Variants in NUDCD2 observed in about 807,000 individuals in gnomAD.
The protein encoded by NUDCD2 is nudC domain-containing protein 2.
NUDCD2 carries 16 observed loss-of-function variants against 20.8 expected under a neutral mutation model. The observed-to-expected ratio is 0.77, with a 90% CI of 0.52 to 1.17. NUDCD2 has a LOEUF of 1.17. Ranked by LOEUF, NUDCD2 falls within the 50% of genes most tolerant of loss-of-function variation. NUDCD2 has a pLI of 0.00. For missense variants in NUDCD2, 199 were observed against 193.9 expected (o/e 1.03, Z -0.16); for synonymous variants, 87 against 72.8 (o/e 1.20, Z -1.00).
rs201814363 is a variant in NUDCD2, at chr5:163,457,100, A to G, written c.239-20T>C. On this transcript the variant is annotated intron_variant, in intron 2 of 3. Transcript: ENST00000302764. ...TGTCCTCTAAAAAAAAAACACACAC[A>G]CACACACGCACAAATAAATTAGAGT... 6.4e-7 allele frequency: 1 copy of G among 1,558,266 alleles called. No homozygotes were observed. The highest frequency in any genetic ancestry group is 1.2e-5 in the South Asian group (1 of 83,996).
chr5:163,455,577 C>T (rs1011865237), intron 3 of NUDCD2, among the ~76,000 whole-genome samples: 4 of 152,146 alleles, frequency 2.6e-5, no homozygotes, highest in Non-Finnish European at 2.9e-5. Context: ...TCCTGGCCAA[C>T]ACGGTGAAAC....
Position 163,453,816 on chromosome 5 carries a change from A to C in NUDCD2, c.*151T>G, listed in dbSNP as rs1758237148. On this transcript the variant is annotated 3_prime_UTR_variant, in exon 4 of 4. Coordinates refer to ENST00000302764, the MANE Select transcript of NUDCD2 (RefSeq NM_145266.6). Reference sequence around the variant, plus strand: ...CCACAGTACATTTCCTATGTAAATTATGTTTGAATGCAATTTTTAGAACCA... The same window carrying C: ...CCACAGTACATTTCCTATGTAAATTCTGTTTGAATGCAATTTTTAGAACCA... The C allele has an allele frequency of 4.6e-6, 2 of 432,676 alleles. No individual in the cohort carries two copies. Among genetic ancestry groups the C allele is most frequent in the Non-Finnish European group, 8.5e-6 (2 of 236,056 alleles). The allele number at this position is 432,676 out of a possible 1,614,324, so 26.8% of individuals were successfully genotyped here. A position where few individuals can be genotyped will look rare whatever the true frequency, so the allele number is the denominator to read the frequency against.
chr5:163,448,964 G>A lies in NUDCD2; in HGVS notation c.*5003C>T, dbSNP rs1415653355. ...GGGAACTTGCTCAACATGACAAAGG[G>A]AATTTAAGAAAAGCCTACAGCTTGC... is the stretch of plus-strand genomic sequence containing the variant. On this transcript the variant is annotated 3_prime_UTR_variant, in exon 4 of 4. Transcript: ENST00000302764. 3 of 152,094 alleles carry A rather than the reference G, an allele frequency of 2.0e-5. No homozygotes were observed. The highest frequency in any genetic ancestry group is 4.4e-5 in the Non-Finnish European group (3 of 68,004). The allele number at this position is 152,094 out of a possible 1,614,324, so 9.4% of individuals were successfully genotyped here. A position where few individuals can be genotyped will look rare whatever the true frequency, so the allele number is the denominator to read the frequency against.
rs376036154 is a variant in NUDCD2 at position 163,456,984 on chromosome 5, G to A, written c.335C>T (p.Pro112Leu). ...SLLESEYAADPWVQDQMQRKL... is the reference protein window; with the variant it reads ...SLLESEYAADLWVQDQMQRKL... ...TCTCTGCATTTGGTCTTGCACCCAAGGATCCGCTGCATATTCAGATTCTAG... is the reference window on the plus strand; with the variant it reads ...TCTCTGCATTTGGTCTTGCACCCAAAGATCCGCTGCATATTCAGATTCTAG... The change falls in exon 3 of 4, where the codon CCT becomes CTT. Residue 112 changes from proline (P) to leucine (L), a missense_variant. Coordinates refer to ENST00000302764, the MANE Select transcript of NUDCD2 (RefSeq NM_145266.6). The A allele has an allele frequency of 1.3e-5, 21 of 1,612,526 alleles. No individual in the cohort carries two copies. Among genetic ancestry groups the A allele is most frequent in the Non-Finnish European group, 1.8e-5 (21 of 1,179,382 alleles).
rs1307977951 is a variant in NUDCD2 at position 163,448,263 on chromosome 5, A to C, written c.*5704T>G. 6.6e-6 allele frequency: 1 copy of C among 152,152 alleles called. No homozygotes were observed. Among genetic ancestry groups the C allele is most frequent in the African/African-American group, 2.4e-5 (1 of 41,462 alleles). 9.4% of individuals were successfully genotyped at this position (152,152 alleles called of 1,614,324 possible). On this transcript the variant is annotated 3_prime_UTR_variant, in exon 4 of 4. Transcript: ENST00000302764. The stretch of plus-strand genomic sequence containing the variant: ...AACAAATTAATAGAAAACAATCAAA[A>C]AACTAATTTTTGAAAAGAGCAGTAA...
rs781253733 is a variant in NUDCD2 at position 163,460,065 on chromosome 5, C to T, written c.-15G>A. 1 of 1,532,726 alleles carries T rather than the reference C, an allele frequency of 6.5e-7. No individual in the cohort carries two copies. The highest frequency in any genetic ancestry group is 1.2e-5 in the South Asian group (1 of 80,664). 94.9% of individuals were successfully genotyped at this position (1,532,726 alleles called of 1,614,324 possible). A position where few individuals can be genotyped will look rare whatever the true frequency, so the allele number is the denominator to read the frequency against. The stretch of plus-strand genomic sequence containing the variant: ...GGGGCCGACATAATCCAGTCCCTCC[C>T]GGCCGCGGCCGCACCAGGCGGAGCC... On this transcript the variant is annotated 5_prime_UTR_variant, in exon 1 of 4. Transcript: ENST00000302764.
rs1758206146 is a variant in NUDCD2, at chr5:163,452,653, C to T, written c.*1314G>A. ...CAGTGGAGAAGTCTGGCAGACACTACCTTAATCAGTCATCTAAGAAACACC... is the reference window on the plus strand; with the variant it reads ...CAGTGGAGAAGTCTGGCAGACACTATCTTAATCAGTCATCTAAGAAACACC... On this transcript the variant is annotated 3_prime_UTR_variant, in exon 4 of 4. Transcript: ENST00000302764. The T allele has an allele frequency of 6.6e-6, 1 of 152,124 alleles. No individual in the cohort carries two copies. The highest frequency in any genetic ancestry group is 6.5e-5 in the Admixed American group (1 of 15,278). 9.4% of individuals were successfully genotyped at this position (152,124 alleles called of 1,614,324 possible).
At chr5:163,457,135 AGTT>A (rs1758338501) in intron 2 of NUDCD2, 55 bp from the exon 3 acceptor site, 5 of 1,446,810 alleles carry the variant, frequency 3.5e-6, no homozygotes, top group Admixed American at 2.3e-5. Context: ...TTCTTCATCA[AGTT>A]GTTTTTTTTT....
At chr5:163,457,953 C>G (rs763577974) in intron 1 of NUDCD2, among the ~76,000 whole-genome samples, 2 of 145,042 alleles carry the variant, frequency 1.4e-5, no homozygotes, top group Non-Finnish European at 3.0e-5. Context: ...AAGAAGGGAT[C>G]TCCTGCTAAA....
At chr5:163,455,380 G>A (rs1187444847) in intron 3 of NUDCD2, among the ~76,000 whole-genome samples, 1 of 152,210 alleles carries the variant, frequency 6.6e-6, no homozygotes, top group Non-Finnish European at 1.5e-5. Context: ...GAGGTAATCA[G>A]GGAGATGATG....
In NUDCD2 at chr5:163,452,229, CATTATAT is replaced by C. The variant is rs1184762421; in HGVS notation, c.*1731_*1737del. On this transcript the variant is annotated 3_prime_UTR_variant, in exon 4 of 4. Transcript: ENST00000302764. The stretch of plus-strand genomic sequence containing the variant: ...GCAGAAATATAGATGTAAAGACATG[CATTATAT>C]ATACACACCAACGGCAATTGCACAC... 1 of 152,098 alleles carries C rather than the reference CATTATAT, an allele frequency of 6.6e-6. No homozygotes were observed. The highest frequency in any genetic ancestry group is 1.5e-5 in the Non-Finnish European group (1 of 68,020). 9.4% of individuals were successfully genotyped at this position (152,098 alleles called of 1,614,324 possible). A position where few individuals can be genotyped will look rare whatever the true frequency, so the allele number is the denominator to read the frequency against.
At position 163,456,915 on chromosome 5, in the gene NUDCD2, T is replaced by G; in HGVS notation, c.390+14A>C. The stretch of plus-strand genomic sequence containing the variant: ...TATTTAATTACACATACTCATACAC[T>G]TCATCTGACTTACTTCTTTTTGGAA... On this transcript the variant is annotated intron_variant, in intron 3 of 3. Coordinates refer to ENST00000302764, the MANE Select transcript of NUDCD2 (RefSeq NM_145266.6). The G allele has an allele frequency of 6.3e-7, 1 of 1,584,018 alleles. No individual in the cohort carries two copies. Among genetic ancestry groups the G allele is most frequent in the Non-Finnish European group, 8.6e-7 (1 of 1,162,882 alleles).
At chr5:163,454,494 AC>A (rs2113415307) in intron 3 of NUDCD2, among the ~76,000 whole-genome samples, 1 of 152,222 alleles carries the variant, frequency 6.6e-6, no homozygotes, top group African/African-American at 2.4e-5. Flanking sequence ...GGCATGTACC[AC>A]CATGCCTGGC....
chr5:163,459,791 G>A, intron 1 of NUDCD2, 71 bp downstream of exon 1: 3 of 1,382,504 alleles, frequency 2.2e-6, no homozygotes, highest in Non-Finnish European at 3.0e-6. Flanking sequence ...ACACCCAACA[G>A]TCGTTCAGGG....
intron 3 of NUDCD2, among the ~76,000 whole-genome samples, chr5:163,456,061 A>G (rs997012541): frequency 1.3e-5 from 2 of 152,212 alleles, no homozygotes; most frequent in African/African-American, 4.8e-5. Context: ...CAAATATGGA[A>G]GGATGTTAGG....
chr5:163,459,898 A>T lies in NUDCD2; in HGVS notation c.153T>A (p.His51Gln). Residue 51 changes from histidine to glutamine, a missense_variant, in exon 1 of 4, where the codon CAT (histidine) becomes CAA (glutamine). His to Gln is a conservative substitution (Grantham distance 24). Transcript: ENST00000302764. ...CGCGGCCGCCCACCGACAGCGCCAC[A>T]TGCCGGCTCTGGAGGCCGCACTGGA... ...QDIQCGLQSR[H>Q]VALSVGGREI... is the part of the protein sequence containing the mutation. 1 of 1,610,276 alleles carries T rather than the reference A, an allele frequency of 6.2e-7. No individual in the cohort carries two copies. The highest frequency in any genetic ancestry group is 2.2e-5 in the East Asian group (1 of 44,632).
rs1758224400 is a variant in NUDCD2 at position 163,453,271 on chromosome 5, T to TA, written c.*695dup. ...TTCCTACCTATATGCCTAAATCACTTACAATCAAAATGATGCCACTGATAT... is the reference window on the plus strand; with the variant it reads ...TTCCTACCTATATGCCTAAATCACTTAACAATCAAAATGATGCCACTGATAT... On this transcript the variant is annotated 3_prime_UTR_variant, in exon 4 of 4. Coordinates refer to ENST00000302764, the MANE Select transcript of NUDCD2 (RefSeq NM_145266.6). The TA allele has an allele frequency of 1.3e-5, 2 of 152,182 alleles. No individual in the cohort carries two copies. Among genetic ancestry groups the TA allele is most frequent in the Admixed American group, 6.5e-5 (1 of 15,278 alleles). The allele number at this position is 152,182 out of a possible 1,614,324, so 9.4% of individuals were successfully genotyped here.
intron 1 of NUDCD2, among the ~76,000 whole-genome samples, chr5:163,458,343 T>G (rs1758378299): frequency 6.6e-6 from 1 of 152,100 alleles, no homozygotes; most frequent in Admixed American, 6.5e-5. Flanking sequence ...CAATCGGCAT[T>G]AAAAAAACTT....
In NUDCD2 at chr5:163,451,435, T is replaced by C. The variant is rs1250444208; in HGVS notation, c.*2532A>G. On this transcript the variant is annotated 3_prime_UTR_variant, in exon 4 of 4. Coordinates refer to ENST00000302764, the MANE Select transcript of NUDCD2 (RefSeq NM_145266.6). ...GAGAGCACGAGAGTTTTTACGGTGA[T>C]TGAACTCTTCAATACTCTGACTGTG... 6.6e-6 allele frequency: 1 copy of C among 152,128 alleles called. No individual in the cohort carries two copies. Among genetic ancestry groups the C allele is most frequent in the Non-Finnish European group, 1.5e-5 (1 of 68,018 alleles). The allele number at this position is 152,128 out of a possible 1,614,324, so 9.4% of individuals were successfully genotyped here.
Sources: gnomAD v4.1 joint callset for allele counts (sites outside exome capture counted in the v4.1 genomes callset) on GRCh38, gnomAD v4.1.1 for gene constraint, MANE v1.5 for transcripts, NCBI Gene and HGNC (gene_info 2026-07-23, HGNC 2026-07-21) for gene names.